Variants in HYAL1 observed in about 807,000 individuals in gnomAD.
HYAL1 encodes the protein hyaluronidase-1.
HYAL1 carries 21 observed loss-of-function variants against 28.8 expected under a neutral mutation model. The observed-to-expected ratio is 0.73, with a 90% CI of 0.52 to 1.05. The LOEUF is 1.05. Ranked by LOEUF, HYAL1 falls within the 50% of genes least tolerant of loss-of-function variation. The probability of loss-of-function intolerance (pLI) is 0.00; values close to 1 mark genes in which losing one functional copy is unlikely to be tolerated. For missense variants in HYAL1, 491 were observed against 579.2 expected (o/e 0.85, Z 1.56); for synonymous variants, 200 against 230.1 (o/e 0.87, Z 1.18).
chr3:50,302,916 G>T lies in HYAL1; in HGVS notation c.41C>A (p.Thr14Asn). 6.3e-7 allele frequency: 1 copy of T among 1,596,308 alleles called. No homozygotes were observed. The highest frequency in any genetic ancestry group is 8.6e-7 in the Non-Finnish European group (1 of 1,168,302). The part of the protein sequence containing the change: ...HLLPICALFL[T>N]LLDMAQGFRG... ...AAAGCCTTGGGCCATATCGAGTAAG[G>T]TCAGGAAGAGGGCGCAGATGGGAAG... Residue 14 changes from threonine to asparagine, a missense_variant, in exon 2 of 4, where the codon ACC becomes AAC. Physicochemically the swap from Thr to Asn is moderately conservative, Grantham distance 65. Transcript: ENST00000395144. This position sits in a 1 kb window ranked among gnomAD's most constrained non-coding sequence, Gnocchi z 5.0.
chr3:50,302,914 A>C lies in HYAL1; in HGVS notation c.43T>G (p.Leu15Val). 6.3e-7 allele frequency: 1 copy of C among 1,596,606 alleles called. No homozygotes were observed. Among genetic ancestry groups the C allele is most frequent in the Non-Finnish European group, 8.6e-7 (1 of 1,168,414 alleles). ...LLPICALFLT[L>V]LDMAQGFRGP... ...CTAAAGCCTTGGGCCATATCGAGTAAGGTCAGGAAGAGGGCGCAGATGGGA... is the reference window on the plus strand; with the variant it reads ...CTAAAGCCTTGGGCCATATCGAGTACGGTCAGGAAGAGGGCGCAGATGGGA... The change falls in exon 2 of 4, where the codon TTA (leucine) becomes GTA (valine). Residue 15 changes from leucine (L) to valine (V), a missense_variant. Leu to Val is a conservative substitution (Grantham distance 32, BLOSUM62 1). Coordinates refer to ENST00000395144, the MANE Select transcript of HYAL1 (RefSeq NM_033159.4). This position sits in a 1 kb window ranked among gnomAD's most constrained non-coding sequence, Gnocchi z 5.0.
chr3:50,300,939 T>TGGGGGGGCGGGGGGGGGGGGG, intron 3 of HYAL1, 49 bp downstream of exon 3: 1 of 959,410 alleles, frequency 1.0e-6, no homozygotes, highest in Non-Finnish European at 1.7e-6. Flanking sequence ...GTCAGCTTAA[T>TGGGGGGGCGGGGGGGGGGGGG]GGCCCCACCC....
Position 50,302,854 on chromosome 3 carries a change from C to T in HYAL1, c.103G>A (p.Val35Ile), listed in dbSNP as rs142667148. 47 of 1,613,796 alleles carry T rather than the reference C, an allele frequency of 2.9e-5. No homozygotes were observed. Among genetic ancestry groups the T allele is most frequent in the Middle Eastern group, 1.6e-4 (1 of 6,084 alleles). The change falls in exon 2 of 4, where the codon GTC (valine) becomes ATC (isoleucine). Residue 35 changes from valine to isoleucine, a missense_variant. Val to Ile is a conservative substitution (Grantham distance 29, BLOSUM62 3). Coordinates refer to ENST00000395144, the MANE Select transcript of HYAL1 (RefSeq NM_033159.4). The surrounding 1 kb of genome is among the most constrained non-coding windows in gnomAD (Gnocchi z 5.0). ...PLLPNRPFTT[V>I]WNANTQWCLE... The stretch of plus-strand genomic sequence containing the variant: ...CACCACTGGGTGTTTGCATTCCAGA[C>T]GGTGGTGAAGGGCCGGTTGGGTAGC...
chr3:50,306,167 A>G (rs1034055849), upstream of HYAL1, among the ~76,000 whole-genome samples: 14 of 149,174 alleles, frequency 9.4e-5, no homozygotes, highest in Non-Finnish European at 1.8e-4. Flanking sequence ...CCTCCAGAGA[A>G]TCCTTGATTT....
At chr3:50,306,731 C>T (rs1233995639), upstream of HYAL1, among the ~76,000 whole-genome samples, 1 of 150,804 alleles carries the variant, frequency 6.6e-6, no homozygotes, top group African/African-American at 2.5e-5. Flanking sequence ...ACTAAAAATA[C>T]AAAAATTAGC....
In HYAL1 at chr3:50,300,080, T is replaced by C. The variant is rs1257160735; in HGVS notation, c.*403A>G. The C allele has an allele frequency of 3.1e-5, 9 of 290,978 alleles. No individual in the cohort carries two copies. The highest frequency in any genetic ancestry group is 1.5e-4 in the African/African-American group (7 of 46,140). 18.0% of individuals were successfully genotyped at this position (290,978 alleles called of 1,614,324 possible). A position where few individuals can be genotyped will look rare whatever the true frequency, so the allele number is the denominator to read the frequency against. Reference sequence around the variant, plus strand: ...TTGGGCAACGTGCTTACTCTCAATGTGAGTGACTCAGTTTCCTCATAGCCT... The same window carrying C: ...TTGGGCAACGTGCTTACTCTCAATGCGAGTGACTCAGTTTCCTCATAGCCT... On this transcript the variant is annotated 3_prime_UTR_variant, in exon 4 of 4. Coordinates refer to ENST00000395144, the MANE Select transcript of HYAL1 (RefSeq NM_033159.4).
At position 50,302,248 on chromosome 3, in the gene HYAL1, C is replaced by A; in HGVS notation, c.709G>T (p.Gly237Cys). Reference sequence around the variant, plus strand: ...CTGGGATAGAGGGCACGGCTCTGGCCCCACAGCCACCCTAGCTGGTCATTT... The same window carrying A: ...CTGGGATAGAGGGCACGGCTCTGGCACCACAGCCACCCTAGCTGGTCATTT... ...AQNDQLGWLWGQSRALYPSIY... is the reference protein window; with the variant it reads ...AQNDQLGWLWCQSRALYPSIY... Residue 237 changes from glycine (G) to cysteine (C), a missense_variant, in exon 2 of 4, where the codon GGC (glycine) becomes TGC (cysteine). By Grantham distance (159) the Gly-to-Cys change is radical. Transcript: ENST00000395144. This position sits in a 1 kb window ranked among gnomAD's most constrained non-coding sequence, Gnocchi z 5.0. 3 of 1,613,994 alleles carry A rather than the reference C, an allele frequency of 1.9e-6. No individual in the cohort carries two copies. Among genetic ancestry groups the A allele is most frequent in the Non-Finnish European group, 2.5e-6 (3 of 1,180,036 alleles).
intron 1 of HYAL1, among the ~76,000 whole-genome samples, chr3:50,311,888 C>T (rs1293104793): frequency 5.2e-5 from 7 of 135,160 alleles, no homozygotes; most frequent in South Asian, 2.3e-4. Flanking sequence ...GCTGGCCGGG[C>T]GGGGGGCTGA....
chr3:50,301,928 G>A (rs1481026047), intron 2 of HYAL1, 129 bp downstream of exon 2: 6 of 997,644 alleles, frequency 6.0e-6, no homozygotes, highest in Non-Finnish European at 7.9e-6. Flanking sequence ...TCCAGCCTGG[G>A]TGACAGAGTG....
At chr3:50,309,461 CAAAAAA>C (rs59958240) in intron 2 of HYAL1, among the ~76,000 whole-genome samples, 6 of 60,908 alleles carry the variant, frequency 9.9e-5, no homozygotes, top group Non-Finnish European at 3.8e-5. Flanking sequence ...CAGACTCCAC[CAAAAAA>C]AAAAAAAAAA....
chr3:50,308,794 G>C (rs1422365515), intron 2 of HYAL1, among the ~76,000 whole-genome samples: 3 of 144,052 alleles, frequency 2.1e-5, no homozygotes, highest in Non-Finnish European at 4.5e-5. Context: ...GCAATGGCAG[G>C]ATCTCGGCTC....
chr3:50,300,659 C>T lies in HYAL1; in HGVS notation c.1132G>A (p.Ala378Thr), dbSNP rs782808561. 9.3e-6 allele frequency: 15 copies of T among 1,613,862 alleles called. No individual in the cohort carries two copies. The highest frequency in any genetic ancestry group is 3.3e-4 in the Middle Eastern group (2 of 6,068). The change falls in exon 4 of 4, where the codon GCC (alanine) becomes ACC (threonine). Residue 378 changes from alanine (A) to threonine (T), a missense_variant. By Grantham distance (58) the Ala-to-Thr change is moderately conservative (BLOSUM62 0). Transcript: ENST00000395144. Reference sequence around the variant, plus strand: ...CTGGCAGGGTTAAGGAGGAGGAGGGCTTTGGGGTGGCTGGTGCGGCGGACA... The same window carrying T: ...CTGGCAGGGTTAAGGAGGAGGAGGGTTTTGGGGTGGCTGGTGCGGCGGACA... ...RCVRRTSHPK[A>T]LLLLNPASFS... is the part of the protein sequence containing the mutation.
upstream of HYAL1, among the ~76,000 whole-genome samples, chr3:50,304,269 C>T (rs1178974344): frequency 4.6e-4 from 7 of 15,096 alleles, no homozygotes; most frequent in African/African-American, 1.1e-3. Flanking sequence ...AGAGCGACTC[C>T]ATCTCAAAAA....
intron 3 of HYAL1, 29 bp from the exon 4 acceptor site, chr3:50,300,829 G>A (rs1553712617): frequency 6.2e-7 from 1 of 1,607,428 alleles, no homozygotes; most frequent in Admixed American, 1.7e-5. Flanking sequence ...TAGCGTCAGG[G>A]ACACCATGGC....
At chr3:50,307,844 G>A (rs1269445388), upstream of HYAL1, among the ~76,000 whole-genome samples, 2 of 145,842 alleles carry the variant, frequency 1.4e-5, no homozygotes, top group African/African-American at 5.3e-5. Flanking sequence ...CACCCAGGCT[G>A]GAGTGCAGTG....
At chr3:50,301,723 C>T (rs1466644523) in intron 2 of HYAL1, among the ~76,000 whole-genome samples, 6 of 151,676 alleles carry the variant, frequency 4.0e-5, no homozygotes, top group African/African-American at 7.3e-5. Flanking sequence ...GAGGCCGAGG[C>T]GGATGGATCA....
chr3:50,312,045 C>A (rs1415051285), intron 1 of HYAL1, among the ~76,000 whole-genome samples: 1 of 134,144 alleles, frequency 7.5e-6, no homozygotes, highest in Non-Finnish European at 1.6e-5. Flanking sequence ...CCCTCCCGGA[C>A]GGGGCGGCTG....
At position 50,301,053 on chromosome 3, in the gene HYAL1, C is replaced by A. The variant is rs782498002; in HGVS notation, c.925G>T (p.Glu309Ter). 6.2e-7 allele frequency: 1 copy of A among 1,612,722 alleles called. No homozygotes were observed. Among genetic ancestry groups the A allele is most frequent in the Non-Finnish European group, 8.5e-7 (1 of 1,179,200 alleles). Residue 309 changes from glutamate (E) to a stop codon, truncating the protein, a stop_gained, in exon 3 of 4, where the codon GAG becomes TAG. Transcript: ENST00000395144. LOFTEE classifies it high-confidence loss of function. ...PLDELEHSLG[E>*]SAAQGAAGVV... ...CCAGCTGCCCCCTGGGCCGCACTCTCCCCCAGGCTGTGCTCCAGCTCATCC... is the reference window on the plus strand; with the variant it reads ...CCAGCTGCCCCCTGGGCCGCACTCTACCCCAGGCTGTGCTCCAGCTCATCC...
upstream of HYAL1, among the ~76,000 whole-genome samples, chr3:50,307,451 C>T (rs147396679): frequency 0.01 from 1,543 of 150,590 alleles, 105 homozygotes; most frequent in African/African-American, 0.036. Flanking sequence ...GAGGCCGAGG[C>T]GGGCGGATCA....
Sources: gnomAD v4.1 joint callset for allele counts (sites outside exome capture counted in the v4.1 genomes callset) on GRCh38, gnomAD v4.1.1 for gene constraint, Gnocchi (gnomAD v3.1) non-coding constraint, MANE v1.5 for transcripts, NCBI Gene and HGNC (gene_info 2026-07-23, HGNC 2026-07-21) for gene names.